VPS13B: variants seen among roughly 807,000 people sequenced by gnomAD.
VPS13B encodes the protein intermembrane lipid transfer protein VPS13B.
A neutral mutation model predicts 426.4 loss-of-function variants in VPS13B; 285 were observed. The ratio of observed to expected loss-of-function variants is 0.67; its 90% CI spans 0.61 to 0.74. The LOEUF (loss-of-function observed/expected upper bound fraction) is 0.74, where lower values mean the gene tolerates loss of function less well. Ranked by LOEUF, VPS13B falls within the 30% of genes least tolerant of loss-of-function variation. The probability of loss-of-function intolerance (pLI) is 0.00; values close to 1 mark genes in which losing one functional copy is unlikely to be tolerated. For missense variants in VPS13B, 4,537 were observed against 4,782.6 expected, an observed-to-expected ratio of 0.95 and a Z score of 1.51; for synonymous variants, 1,676 against 1,676.4, an observed-to-expected ratio of 1.00 and a Z score of 0.01.
chr8:99,701,579 A>T (rs970024147), intron 36 of VPS13B, among the ~76,000 whole-genome samples: 3 of 152,182 alleles, frequency 2.0e-5, no homozygotes, highest in African/African-American at 7.2e-5. Flanking sequence ...GTATGTAAGA[A>T]AAACTATATA....
At chr8:99,797,752 CT>C (rs1484870215) in intron 43 of VPS13B, among the ~76,000 whole-genome samples, 33 of 152,132 alleles carry the variant, frequency 2.2e-4, no homozygotes, top group Non-Finnish European at 2.9e-5. Context: ...GTATGTCTAA[CT>C]CTTCACATTT....
chr8:99,664,245 T>C (rs948740870), intron 35 of VPS13B, among the ~76,000 whole-genome samples: 1 of 151,942 alleles, frequency 6.6e-6, no homozygotes, highest in African/African-American at 2.4e-5. Flanking sequence ...GACCACATGA[T>C]CCGCCCACCT....
intron 30 of VPS13B, among the ~76,000 whole-genome samples, chr8:99,523,549 G>A (rs1459630183): frequency 2.6e-5 from 4 of 152,218 alleles, no homozygotes; most frequent in Non-Finnish European, 4.4e-5. Flanking sequence ...TTGTTTGGGA[G>A]AAAGTAAGGG....
intron 23 of VPS13B, among the ~76,000 whole-genome samples, chr8:99,457,894 A>G (rs1053693497): frequency 7.9e-5 from 12 of 152,048 alleles, no homozygotes; most frequent in African/African-American, 2.7e-4. Context: ...ACAATTTCAT[A>G]GATTTCTTTT....
intron 2 of VPS13B, among the ~76,000 whole-genome samples, chr8:99,022,093 A>G (rs1841925990): frequency 6.6e-6 from 1 of 151,646 alleles, no homozygotes; most frequent in African/African-American, 2.4e-5. Flanking sequence ...TCTTTTTTGA[A>G]TTGTACTTGT....
chr8:99,577,746 C>A, intron 33 of VPS13B, 113 bp downstream of exon 33: 1 of 1,370,890 alleles, frequency 7.3e-7, no homozygotes, highest in South Asian at 1.2e-5. Context: ...CTGTGTTTAA[C>A]TTTATTCAAA....
At chr8:99,512,732 G>A (rs1260640152) in intron 29 of VPS13B, among the ~76,000 whole-genome samples, 1 of 152,150 alleles carries the variant, frequency 6.6e-6, no homozygotes, top group Non-Finnish European at 1.5e-5. Flanking sequence ...ACCATGGGCT[G>A]GGCACGGTGG....
intron 3 of VPS13B, among the ~76,000 whole-genome samples, chr8:99,070,955 T>A (rs1166941725): frequency 2.6e-5 from 4 of 152,128 alleles, no homozygotes; most frequent in African/African-American, 9.7e-5. Flanking sequence ...ATTATTTTAA[T>A]CTTTGTTAAA....
At chr8:99,123,033 A>C in intron 8 of VPS13B, among the ~76,000 whole-genome samples, 1 of 149,008 alleles carries the variant, frequency 6.7e-6, no homozygotes, top group East Asian at 2.1e-4. Flanking sequence ...AGGCAGGAGA[A>C]TTGCTTGAAC....
At chr8:99,788,383 T>TAAAAAA (rs5893498) in intron 43 of VPS13B, among the ~76,000 whole-genome samples, 1 of 102,920 alleles carries the variant, frequency 9.7e-6, no homozygotes. Context: ...GACCCCATCT[T>TAAAAAA]AAAAAAAAAA....
chr8:99,689,284 C>G (rs1831546377), intron 35 of VPS13B, among the ~76,000 whole-genome samples: 1 of 150,716 alleles, frequency 6.6e-6, no homozygotes, highest in African/African-American at 2.5e-5. Flanking sequence ...TTAGTACTTC[C>G]TGTAGATCAA....
intron 54 of VPS13B, among the ~76,000 whole-genome samples, chr8:99,842,872 G>A (rs903623123): frequency 6.6e-6 from 1 of 152,100 alleles, no homozygotes; most frequent in Non-Finnish European, 1.5e-5. Flanking sequence ...GTATGATGGG[G>A]CTGAGCACAG....
At chr8:99,805,083 T>TAC (rs1425661768) in intron 43 of VPS13B, among the ~76,000 whole-genome samples, 2 of 150,092 alleles carry the variant, frequency 1.3e-5, no homozygotes, top group Non-Finnish European at 3.0e-5. Flanking sequence ...TATATATATA[T>TAC]ACAGTAGTTT....
intron 40 of VPS13B, among the ~76,000 whole-genome samples, chr8:99,776,201 A>G (rs1811732154): frequency 6.6e-6 from 1 of 152,222 alleles, no homozygotes; most frequent in African/African-American, 2.4e-5. Flanking sequence ...TTGATCTTAA[A>G]CTAATAACAG....
At chr8:99,344,088 A>G (rs932019421) in intron 19 of VPS13B, among the ~76,000 whole-genome samples, 1 of 152,206 alleles carries the variant, frequency 6.6e-6, no homozygotes, top group Non-Finnish European at 1.5e-5. Flanking sequence ...TCAAAACAGG[A>G]TGATACTGGT....
At chr8:99,314,621 T>G (rs1016405465) in intron 19 of VPS13B, among the ~76,000 whole-genome samples, 17 of 152,134 alleles carry the variant, frequency 1.1e-4, no homozygotes, top group African/African-American at 4.8e-5. Flanking sequence ...TGGCTAATTT[T>G]AAAATTTTTT....
chr8:99,403,185 A>G (rs1317512598), intron 21 of VPS13B, among the ~76,000 whole-genome samples: 1 of 152,148 alleles, frequency 6.6e-6, no homozygotes, highest in Non-Finnish European at 1.5e-5. Context: ...CTTACTGAAC[A>G]CAGATTTCTT....
In VPS13B at chr8:99,824,632, A is replaced by G. The variant is rs560205525; in HGVS notation, c.9330+654A>G. Among the ~76,000 whole-genome samples the G allele has an allele frequency of 2.7e-5, 4 of 150,682 alleles. No homozygotes were observed. The East Asian group carries it at 7.8e-4, about 29-fold the overall frequency. On this transcript the variant is annotated intron_variant, in intron 51 of 61. Coordinates refer to ENST00000357162, the MANE Select transcript of VPS13B (RefSeq NM_152564.5). The stretch of plus-strand genomic sequence containing the variant: ...TAATTATACTTTTAAGTTCTGGGAT[A>G]CATGTGTAGAACATACAGGTTTGTT...
chr8:99,413,975 A>G (rs1430498491), intron 21 of VPS13B, among the ~76,000 whole-genome samples: 2 of 152,104 alleles, frequency 1.3e-5, no homozygotes, highest in African/African-American at 4.8e-5. Flanking sequence ...CAAGTCCTGA[A>G]TATCCTTGTT....
Sources: allele counts gnomAD v4.1 joint callset (sites outside exome capture counted in the v4.1 genomes callset), GRCh38; gene constraint gnomAD v4.1.1; transcripts MANE v1.5; gene names NCBI Gene and HGNC (gene_info 2026-07-23, HGNC 2026-07-21).